The following HERC2 variants were observed in gnomAD, a reference collection of about 807,000 sequenced individuals.
HERC2 encodes HECT and RLD domain containing E3 ubiquitin protein ligase 2.
In HERC2, 102 loss-of-function variants were observed where a neutral mutation model predicts 537.7. The observed-to-expected ratio is 0.19, with a 90% CI of 0.16 to 0.22. The LOEUF (loss-of-function observed/expected upper bound fraction) is 0.22, where lower values mean the gene tolerates loss of function less well. HERC2 is among the 10% of genes least tolerant of loss of function. HERC2 has a pLI of 1.00. For synonymous variants in HERC2, 2,224 were observed against 2,466.2 expected, an observed-to-expected ratio of 0.90 and a Z score of 2.91; for missense variants, 4,236 against 6,198.2, an observed-to-expected ratio of 0.68 and a Z score of 10.63.
At chr15:28,297,299 C>T (rs1596420976) in intron 3 of HERC2, among the ~76,000 whole-genome samples, 1 of 152,014 alleles carries the variant, frequency 6.6e-6, no homozygotes, top group South Asian at 2.1e-4. Flanking sequence ...AGACTTTTGT[C>T]ATCTCCCAAA....
intron 56 of HERC2, 47 bp from the exon 57 acceptor site, chr15:28,182,559 G>A: frequency 1.5e-6 from 2 of 1,345,846 alleles, no homozygotes; most frequent in Non-Finnish European, 1.0e-6. Flanking sequence ...AGGTTATTCA[G>A]CATAAAACAT....
At chr15:28,283,679 C>T (rs972847994) in intron 4 of HERC2, among the ~76,000 whole-genome samples, 10 of 152,250 alleles carry the variant, frequency 6.6e-5, no homozygotes, top group South Asian at 2.1e-4. Flanking sequence ...TGCTAAATTA[C>T]GTCTGAAGGT....
At chr15:28,184,758 A>T (rs1261706168) in intron 56 of HERC2, among the ~76,000 whole-genome samples, 1 of 151,618 alleles carries the variant, frequency 6.6e-6, no homozygotes, top group Non-Finnish European at 1.5e-5. Context: ...GCTACTCAGG[A>T]GGCTGAGGCA....
chr15:28,179,896 T>C (rs1013118852), intron 57 of HERC2, among the ~76,000 whole-genome samples: 1 of 152,262 alleles, frequency 6.6e-6, no homozygotes, highest in African/African-American at 2.4e-5. Context: ...TTAAGCTAAG[T>C]ATTATTACAA....
At chr15:28,276,193 A>T in intron 5 of HERC2, among the ~76,000 whole-genome samples, 1 of 3,232 alleles carries the variant, frequency 3.1e-4, no homozygotes, top group Non-Finnish European at 7.9e-4. Context: ...CTCAAAAAAC[A>T]AAAAAAAAAA....
chr15:28,176,519 T>C lies in HERC2; in HGVS notation c.9595A>G (p.Ile3199Val). Residue 3199 changes from isoleucine (I) to valine (V), a missense_variant, in exon 63 of 93, where the codon ATT (isoleucine) becomes GTT (valine). Physicochemically the swap from Ile to Val is conservative, Grantham distance 29. This residue lies in a region of HERC2 where 93 missense variants were observed against 265.1 expected (regional missense o/e 0.35). Coordinates refer to ENST00000261609, the MANE Select transcript of HERC2 (RefSeq NM_004667.6). This position sits in a 1 kb window ranked among gnomAD's most constrained non-coding sequence, Gnocchi z 5.0. ...GSEGCNIPQN[I>V]ERLNGQGVCQ... is the part of the protein sequence containing the mutation. ...ACCCCCTGTCCATTTAGTCTCTCAATGTTCTGGGGAATGTTACAGCCTTCA... is the reference window on the plus strand; with the variant it reads ...ACCCCCTGTCCATTTAGTCTCTCAACGTTCTGGGGAATGTTACAGCCTTCA... The C allele has an allele frequency of 6.2e-7, 1 of 1,614,202 alleles. No homozygotes were observed. Among genetic ancestry groups the C allele is most frequent in the East Asian group, 2.2e-5 (1 of 44,884 alleles).
At chr15:28,125,345 A>C (rs1186372311) in intron 83 of HERC2, 152 bp from the exon 84 acceptor site, 2 of 671,674 alleles carry the variant, frequency 3.0e-6, no homozygotes, top group Non-Finnish European at 5.3e-6. Flanking sequence ...CTAGACATGA[A>C]TGTCTGCTTT....
At chr15:28,180,850 T>A (rs1359562619) in intron 57 of HERC2, among the ~76,000 whole-genome samples, 1 of 152,188 alleles carries the variant, frequency 6.6e-6, no homozygotes, top group Non-Finnish European at 1.5e-5. Context: ...GTATTCTGAG[T>A]AATCTGAAGA....
chr15:28,194,679 A>T (rs1436099998), intron 52 of HERC2, among the ~76,000 whole-genome samples: 1 of 152,242 alleles, frequency 6.6e-6, no homozygotes, highest in African/African-American at 2.4e-5. Context: ...CCCACTTAGC[A>T]TATGACTGGA....
At chr15:28,193,220 A>G (rs1897016826) in intron 52 of HERC2, among the ~76,000 whole-genome samples, 5 of 152,234 alleles carry the variant, frequency 3.3e-5, no homozygotes, top group Admixed American at 1.3e-4. Flanking sequence ...CATATATTGG[A>G]GTTAGAAGAC....
chr15:28,181,773 C>A (rs1397232583), intron 57 of HERC2, among the ~76,000 whole-genome samples: 2 of 152,202 alleles, frequency 1.3e-5, no homozygotes, highest in African/African-American at 4.8e-5. Flanking sequence ...ACAAATTAAC[C>A]TCTCATCCAA....
At chr15:28,192,239 C>T (rs1461590712) in intron 52 of HERC2, 88 bp from the exon 53 acceptor site, 2 of 1,151,848 alleles carry the variant, frequency 1.7e-6, no homozygotes, top group East Asian at 2.4e-5. Context: ...TAAGGAGCTT[C>T]TTAAAGAAAA....
intron 70 of HERC2, among the ~76,000 whole-genome samples, chr15:28,150,337 C>A (rs906411022): frequency 1.3e-5 from 2 of 150,596 alleles, no homozygotes; most frequent in African/African-American, 4.9e-5. Context: ...TGAAAAAACA[C>A]GCGGCTTCTA....
At chr15:28,245,506 C>T (rs1234698968) in intron 23 of HERC2, among the ~76,000 whole-genome samples, 21 of 149,922 alleles carry the variant, frequency 1.4e-4, no homozygotes, top group Admixed American at 8.0e-4. Context: ...GAGATCATGA[C>T]ACCGCACTCC....
chr15:28,298,157 G>T (rs1297689350), intron 3 of HERC2, among the ~76,000 whole-genome samples: 53 of 141,500 alleles, frequency 3.7e-4, no homozygotes, highest in African/African-American at 1.0e-3. Context: ...TGTGTTTTTT[G>T]TTTTTTTTTT....
chr15:28,309,945 G>T (rs1294183137), intron 2 of HERC2, among the ~76,000 whole-genome samples: 1 of 152,192 alleles, frequency 6.6e-6, no homozygotes, highest in Non-Finnish European at 1.5e-5. Context: ...AAACATACTT[G>T]GAACCAAAAC....
At chr15:28,246,688 G>C (rs1903741264) in intron 22 of HERC2, 54 bp downstream of exon 22, 1 of 1,435,534 alleles carries the variant, frequency 7.0e-7, no homozygotes, top group Non-Finnish European at 9.3e-7. Context: ...AGACACTTTA[G>C]CTTTCATCTA....
Position 28,212,502 on chromosome 15 carries a change from C to T in HERC2, c.6868G>A (p.Ala2290Thr), listed in dbSNP as rs978465712. The T allele has an allele frequency of 5.0e-6, 8 of 1,586,506 alleles. No individual in the cohort carries two copies. Among genetic ancestry groups the T allele is most frequent in the South Asian group, 2.2e-5 (2 of 90,048 alleles). ...TTGTGCTTTTCTAACTTGCTTCCAG[C>T]GAGGTTCACCAACTGAGCCCAGACA... ...LSVWAQLVNL[A>T]GSKLEKHKIK... Residue 2290 changes from alanine to threonine, a missense_variant, in exon 43 of 93, where the codon GCT becomes ACT. This residue lies in a region of HERC2 where 67 missense variants were observed against 140.1 expected (regional missense o/e 0.48). Transcript: ENST00000261609.
In HERC2 at chr15:28,142,269, C is replaced by T. The variant is rs751568694; in HGVS notation, c.11669G>A (p.Arg3890Lys). The T allele has an allele frequency of 6.2e-7, 1 of 1,614,198 alleles. No individual in the cohort carries two copies. Among genetic ancestry groups the T allele is most frequent in the South Asian group, 1.1e-5 (1 of 91,082 alleles). Residue 3890 changes from arginine (R) to lysine (K), a missense_variant, in exon 76 of 93, where the codon AGA becomes AAA. Coordinates refer to ENST00000261609, the MANE Select transcript of HERC2 (RefSeq NM_004667.6). The stretch of plus-strand genomic sequence containing the variant: ...AAGAAACAGACGGGGCAACGGTGTT[C>T]TTTTGTCAAGGGCCACAGCAACACG... ...ASRVAVALDK[R>K]TPLPRLFLDE... is the part of the protein sequence containing the mutation.
Sources: allele counts gnomAD v4.1 joint callset (sites outside exome capture counted in the v4.1 genomes callset), GRCh38; gene constraint gnomAD v4.1.1; regional missense constraint gnomAD v4.1.1; non-coding constraint Gnocchi (gnomAD v3.1); transcripts MANE v1.5; gene names NCBI Gene and HGNC (gene_info 2026-07-23, HGNC 2026-07-21).